MTRES1: variants seen among roughly 807,000 people sequenced by gnomAD.
The protein encoded by MTRES1 is uncharacterized protein C6orf203.
In MTRES1, 11 loss-of-function variants were observed where a neutral mutation model predicts 17.4. That is an observed-to-expected ratio of 0.63 (90% CI 0.40 to 1.05). The LOEUF is 1.05. Among genes scored for constraint, MTRES1 ranks in the 50% least tolerant of loss-of-function variants. The pLI is 0.00. For missense variants in MTRES1, 268 were observed against 276.2 expected (o/e 0.97, Z 0.21); for synonymous variants, 94 against 99.6 (o/e 0.94, Z 0.34).
chr6:107,047,144 A>G (rs1269207080), intron 3 of MTRES1, among the ~76,000 whole-genome samples: 1 of 152,204 alleles, frequency 6.6e-6, no homozygotes, highest in Non-Finnish European at 1.5e-5. Context: ...TTCTCTATCC[A>G]GAGGCAGACA....
intron 2 of MTRES1, among the ~76,000 whole-genome samples, chr6:107,043,081 C>T (rs1453468408): frequency 1.3e-5 from 2 of 152,108 alleles, no homozygotes; most frequent in African/African-American, 4.8e-5. Context: ...CCTGTAATCC[C>T]AGCACTTTGG....
intron 1 of MTRES1, 139 bp downstream of exon 1, chr6:107,028,410 A>G (rs1183945772): frequency 1.3e-5 from 2 of 152,024 alleles, no homozygotes; most frequent in Non-Finnish European, 2.9e-5. Flanking sequence ...ACGCCCCGCG[A>G]GCTCAGGGCT....
At chr6:107,044,876 C>T (rs1358252425) in intron 3 of MTRES1, among the ~76,000 whole-genome samples, 1 of 152,146 alleles carries the variant, frequency 6.6e-6, no homozygotes, top group East Asian at 1.9e-4. Context: ...TTCCAGTCTC[C>T]ACTTTTCTAA....
Position 107,028,258 on chromosome 6 carries a change from G to A in MTRES1, c.-26G>A, listed in dbSNP as rs1773701360. 6.6e-6 allele frequency: 1 copy of A among 152,232 alleles called. No homozygotes were observed. Among genetic ancestry groups the A allele is most frequent in the Admixed American group, 6.5e-5 (1 of 15,278 alleles). 9.4% of individuals were successfully genotyped at this position (152,232 alleles called of 1,614,324 possible). On this transcript the variant is annotated 5_prime_UTR_variant, in exon 1 of 4. Transcript: ENST00000311381. The stretch of plus-strand genomic sequence containing the variant: ...GCGCGGCCGCGGGGAGGGACGAGAG[G>A]GCCTGACGTACAGGTGAGTGCGCCT...
At chr6:107,049,274 T>A (rs1376675858) in intron 3 of MTRES1, among the ~76,000 whole-genome samples, 1 of 152,102 alleles carries the variant, frequency 6.6e-6, no homozygotes, top group Non-Finnish European at 1.5e-5. Context: ...CCACTTACTG[T>A]CAGTGGTCCA....
At chr6:107,048,259 A>C (rs9400080) in intron 3 of MTRES1, among the ~76,000 whole-genome samples, 141,801 of 151,648 alleles carry the variant, frequency 0.94, 66,655 homozygotes, top group East Asian at 1. Context: ...TTCAGCCTCC[A>C]GAGTACCTGG....
intron 3 of MTRES1, among the ~76,000 whole-genome samples, chr6:107,049,131 T>C (rs1175258520): frequency 6.6e-5 from 10 of 151,850 alleles, no homozygotes. Flanking sequence ...TCTGGGGAGG[T>C]TGAAAGGTTT....
chr6:107,050,571 T>C lies in MTRES1; in HGVS notation c.544-486T>C, dbSNP rs1183597764. On this transcript the variant is annotated intron_variant, in intron 3 of 3. Coordinates refer to ENST00000311381, the MANE Select transcript of MTRES1 (RefSeq NM_016487.5). ...CCTTTCTTTTTTTTTTTTTTTTTTT[T>C]TTTTTCGTTTTTTTCGTTTTTTTGA... is the stretch of plus-strand genomic sequence containing the variant. 2.8e-4 allele frequency among the ~76,000 whole-genome samples: 39 copies of C among 139,576 alleles called. 1 individual carries two copies. The highest frequency in any genetic ancestry group is 1.0e-3 in the African/African-American group (37 of 36,944). 91.6% of individuals were successfully genotyped at this position (139,576 alleles called of 152,430 possible).
intron 2 of MTRES1, chr6:107,040,575 T>G (rs1774166662): frequency 5.2e-6 from 1 of 192,204 alleles, no homozygotes; most frequent in South Asian, 9.3e-5. Context: ...TGCTATAATG[T>G]GAGACGGTAC....
In MTRES1 at chr6:107,050,804, T is replaced by A. The variant is rs1554229109; in HGVS notation, c.544-253T>A. ...GTTGGCCAGGCTGGTCTCGAACTCC[T>A]GACCTCAGGTGATCCACCGAGCTTG... On this transcript the variant is annotated intron_variant, in intron 3 of 3. Transcript: ENST00000311381. 2.6e-5 allele frequency among the ~76,000 whole-genome samples: 4 copies of A among 152,086 alleles called. No homozygotes were observed. In the South Asian group the frequency reaches 8.3e-4, roughly 32 times the overall value.
In MTRES1 at chr6:107,028,282, C is replaced by T. The variant is rs998493224; in HGVS notation, c.-13+11C>T. 1 of 152,238 alleles carries T rather than the reference C, an allele frequency of 6.6e-6. No homozygotes were observed. The highest frequency in any genetic ancestry group is 2.4e-5 in the African/African-American group (1 of 41,424). The allele number at this position is 152,238 out of a possible 1,614,324, so 9.4% of individuals were successfully genotyped here. On this transcript the variant is annotated intron_variant, in intron 1 of 3. Transcript: ENST00000311381. The stretch of plus-strand genomic sequence containing the variant: ...GGGCCTGACGTACAGGTGAGTGCGC[C>T]TCTGCTGGCGCGCCGCGCCGGGCCC...
intron 1 of MTRES1, among the ~76,000 whole-genome samples, chr6:107,037,518 A>T (rs978786072): frequency 6.6e-6 from 1 of 152,172 alleles, no homozygotes; most frequent in Admixed American, 6.5e-5. Flanking sequence ...TGATTATGTA[A>T]AATTTAAAAT....
chr6:107,030,226 C>T (rs1773790781), intron 1 of MTRES1: 1 of 710,806 alleles, frequency 1.4e-6, no homozygotes, highest in African/African-American at 1.8e-5. Context: ...TCCTATAGAG[C>T]CTTTAGACCA....
chr6:107,040,299 C>G (rs1333370537), intron 2 of MTRES1, 69 bp downstream of exon 2: 1 of 1,387,284 alleles, frequency 7.2e-7, no homozygotes, highest in Non-Finnish European at 9.7e-7. Context: ...CATTACAAAT[C>G]ACTTGGCCCA....
At chr6:107,049,047 G>A (rs782128868) in intron 3 of MTRES1, among the ~76,000 whole-genome samples, 3 of 152,236 alleles carry the variant, frequency 2.0e-5, no homozygotes, top group East Asian at 1.9e-4. Context: ...AAGCAGGTGC[G>A]CATGCCCATG....
At chr6:107,049,537 C>G (rs11967059) in intron 3 of MTRES1, among the ~76,000 whole-genome samples, 25,096 of 150,880 alleles carry the variant, frequency 0.17, 2,483 homozygotes, top group Non-Finnish European at 0.22. Flanking sequence ...TCTCAGCCTC[C>G]CGAGTAGCTA....
Position 107,051,527 on chromosome 6 carries a change from C to G in MTRES1, c.*291C>G, listed in dbSNP as rs1774604935. 6.6e-6 allele frequency among the ~76,000 whole-genome samples: 1 copy of G among 152,140 alleles called. No homozygotes were observed. Among genetic ancestry groups the G allele is most frequent in the Admixed American group, 6.6e-5 (1 of 15,262 alleles). ...CCAGAGGGTTTTAATGGCTTGCCTG[C>G]TGTTTCCCACATAAACTACCTCAGG... is the stretch of plus-strand genomic sequence containing the variant. On this transcript the variant is annotated 3_prime_UTR_variant, in exon 4 of 4. Transcript: ENST00000311381.
chr6:107,051,319 A>G lies in MTRES1; in HGVS notation c.*83A>G. Reference sequence around the variant, plus strand: ...AAAAATAGGACATTTTTATTAAAATAAAGTTCTCTTAGCGTTTGTGGAATC... The same window carrying G: ...AAAAATAGGACATTTTTATTAAAATGAAGTTCTCTTAGCGTTTGTGGAATC... On this transcript the variant is annotated 3_prime_UTR_variant, in exon 4 of 4. Coordinates refer to ENST00000311381, the MANE Select transcript of MTRES1 (RefSeq NM_016487.5). 1 of 1,239,502 alleles carries G rather than the reference A, an allele frequency of 8.1e-7. No individual in the cohort carries two copies. Among genetic ancestry groups the G allele is most frequent in the Non-Finnish European group, 1.1e-6 (1 of 886,586 alleles). 76.8% of individuals were successfully genotyped at this position (1,239,502 alleles called of 1,614,324 possible).
rs1453022581 is a variant in MTRES1, at chr6:107,042,392, C to T, written c.471-1868C>T. Among the ~76,000 whole-genome samples the T allele has an allele frequency of 2.0e-5, 3 of 148,790 alleles. No homozygotes were observed. In the East Asian group the frequency reaches 5.8e-4, roughly 29 times the overall value. On this transcript the variant is annotated intron_variant, in intron 2 of 3. Transcript: ENST00000311381. Reference sequence around the variant, plus strand: ...AAATGAGCCAGCCCACAGGCCCCACCCTTGGCATTCTGATCAGGGTGCCAT... The same window carrying T: ...AAATGAGCCAGCCCACAGGCCCCACTCTTGGCATTCTGATCAGGGTGCCAT...
Sources: allele counts gnomAD v4.1 joint callset (sites outside exome capture counted in the v4.1 genomes callset), GRCh38; gene constraint gnomAD v4.1.1; transcripts MANE v1.5; gene names NCBI Gene and HGNC (gene_info 2026-07-23, HGNC 2026-07-21).